Variants in INSYN1 observed in about 807,000 individuals in gnomAD.
INSYN1 encodes inhibitory synaptic factor 1.
INSYN1 carries 7 observed loss-of-function variants against 17.1 expected under a neutral mutation model. That is an observed-to-expected ratio of 0.41 (90% CI 0.23 to 0.77). The LOEUF is 0.77. Among genes scored for constraint, INSYN1 ranks in the 30% least tolerant of loss-of-function variants. The probability of loss-of-function intolerance (pLI) is 0.32; values close to 1 mark genes in which losing one functional copy is unlikely to be tolerated. For synonymous variants in INSYN1, 174 were observed against 166.3 expected (o/e 1.05, Z -0.36); for missense variants, 339 against 400.6 (o/e 0.85, Z 1.31).
chr15:73,747,198 T>C (rs537731838), intron 2 of INSYN1, among the ~76,000 whole-genome samples: 1 of 152,322 alleles, frequency 6.6e-6, no homozygotes, highest in African/African-American at 2.4e-5. Flanking sequence ...TAGATAGCCA[T>C]GTGACTTGTA....
chr15:73,749,321 T>C (rs57292194), intron 2 of INSYN1, among the ~76,000 whole-genome samples: 12,097 of 152,190 alleles, frequency 0.079, 608 homozygotes, highest in African/African-American at 0.14. Flanking sequence ...GGGCCTCAGT[T>C]TCTTCAATAG....
Position 73,740,551 on chromosome 15 carries a change from C to T in INSYN1, c.248G>A (p.Ser83Asn), listed in dbSNP as rs758444741. 1 of 1,614,170 alleles carries T rather than the reference C, an allele frequency of 6.2e-7. No homozygotes were observed. The highest frequency in any genetic ancestry group is 8.5e-7 in the Non-Finnish European group (1 of 1,180,028). Residue 83 changes from serine (S) to asparagine (N), a missense_variant, in exon 3 of 3, where the codon AGC becomes AAC. Coordinates refer to ENST00000569673, the MANE Select transcript of INSYN1 (RefSeq NM_001039614.3). Reference protein sequence around the residue: ...WTTATVSSTSSSDKAGMGGPF... With the variant: ...WTTATVSSTSNSDKAGMGGPF... The stretch of plus-strand genomic sequence containing the variant: ...GCCACCCATGCCCGCCTTGTCACTG[C>T]TAGAGGTGCTGCTCACAGTGGCCGT...
chr15:73,748,804 C>G (rs999505455), intron 2 of INSYN1, among the ~76,000 whole-genome samples: 4 of 152,204 alleles, frequency 2.6e-5, no homozygotes, highest in Non-Finnish European at 5.9e-5. Context: ...TCCACACTCC[C>G]CTCTGCCTGT....
rs369737834 is a variant in INSYN1 at position 73,741,232 on chromosome 15, G to A, written c.157-590C>T. 2.6e-4 allele frequency among the ~76,000 whole-genome samples: 40 copies of A among 152,358 alleles called. No individual in the cohort carries two copies. In the East Asian group the frequency reaches 6.9e-3, roughly 26 times the overall value. ...TCACGGCAAGAACACCAGGTGTACA[G>A]CACTGGCTGGGTCACCCCACCCCCA... On this transcript the variant is annotated intron_variant, in intron 2 of 2. Transcript: ENST00000569673.
At chr15:73,749,526 T>C (rs1901922975) in intron 2 of INSYN1, among the ~76,000 whole-genome samples, 1 of 152,118 alleles carries the variant, frequency 6.6e-6, no homozygotes, top group Non-Finnish European at 1.5e-5. Flanking sequence ...AGGTCTCATG[T>C]CCCTGGCCAA....
chr15:73,749,132 G>A (rs1317150132), intron 2 of INSYN1, among the ~76,000 whole-genome samples: 1 of 152,156 alleles, frequency 6.6e-6, no homozygotes, highest in Non-Finnish European at 1.5e-5. Context: ...AAATCCTAGA[G>A]CTATTGCATC....
In INSYN1 at chr15:73,739,101, A is replaced by C. The variant is rs1901605796; in HGVS notation, c.*816T>G. On this transcript the variant is annotated 3_prime_UTR_variant, in exon 3 of 3. Transcript: ENST00000569673. The stretch of plus-strand genomic sequence containing the variant: ...TTTAGCCCCATGGAAGTGGCTGCCT[A>C]CTTCCTCGCACAGATCTCAGGTCTG... 6.6e-6 allele frequency: 1 copy of C among 152,178 alleles called. No homozygotes were observed. The highest frequency in any genetic ancestry group is 1.5e-5 in the Non-Finnish European group (1 of 68,034). The allele number at this position is 152,178 out of a possible 1,614,324, so 9.4% of individuals were successfully genotyped here.
intron 2 of INSYN1, among the ~76,000 whole-genome samples, chr15:73,746,988 G>T (rs1006772219): frequency 5.9e-5 from 9 of 152,254 alleles, no homozygotes; most frequent in African/African-American, 2.2e-4. Context: ...CACTGAGAAC[G>T]AATCCAAATT....
rs879332234 is a variant in INSYN1 at position 73,739,351 on chromosome 15, C to T, written c.*566G>A. The T allele has an allele frequency of 6.6e-6, 1 of 152,334 alleles. No individual in the cohort carries two copies. The highest frequency in any genetic ancestry group is 1.5e-5 in the Non-Finnish European group (1 of 68,122). The allele number at this position is 152,334 out of a possible 1,614,324, so 9.4% of individuals were successfully genotyped here. On this transcript the variant is annotated 3_prime_UTR_variant, in exon 3 of 3. Transcript: ENST00000569673. Reference sequence around the variant, plus strand: ...GCCATTCCCCTATGTCCCAGGCAACCCTAAGATGGAAGGGGGTGAGGCAGG... The same window carrying T: ...GCCATTCCCCTATGTCCCAGGCAACTCTAAGATGGAAGGGGGTGAGGCAGG...
At chr15:73,742,918 G>A (rs1199275793) in intron 2 of INSYN1, among the ~76,000 whole-genome samples, 2 of 152,200 alleles carry the variant, frequency 1.3e-5, no homozygotes, top group East Asian at 3.9e-4. Flanking sequence ...GTGCCTCCAG[G>A]TGCTGTTGCT....
Position 73,751,342 on chromosome 15 carries a change from C to T in INSYN1, c.-212G>A. ...GGAGAGTGGGACACCCAGAGGGAGA[C>T]AGAGTCTAGCAGAGGGGGTCAAGGT... On this transcript the variant is annotated 5_prime_UTR_variant, in exon 2 of 3. Coordinates refer to ENST00000569673, the MANE Select transcript of INSYN1 (RefSeq NM_001039614.3). The T allele has an allele frequency of 1.7e-6, 1 of 577,566 alleles. No individual in the cohort carries two copies. The highest frequency in any genetic ancestry group is 3.0e-5 in the East Asian group (1 of 33,780). 35.8% of individuals were successfully genotyped at this position (577,566 alleles called of 1,614,324 possible). A position where few individuals can be genotyped will look rare whatever the true frequency, so the allele number is the denominator to read the frequency against.
Position 73,739,869 on chromosome 15 carries a change from T to TTA in INSYN1, c.*46_*47dup, listed in dbSNP as rs767141940. 135 of 354,332 alleles carry TTA rather than the reference T, an allele frequency of 3.8e-4. No homozygotes were observed. Among genetic ancestry groups the TTA allele is most frequent in the African/African-American group, 3.3e-3 (130 of 39,964 alleles). 21.9% of individuals were successfully genotyped at this position (354,332 alleles called of 1,614,324 possible). On this transcript the variant is annotated 3_prime_UTR_variant, in exon 3 of 3. Transcript: ENST00000569673. Reference sequence around the variant, plus strand: ...TATATATATATATATATATATATATTTATTTATAGCTCTATGTGCCCACCG... The same window carrying TTA: ...TATATATATATATATATATATATATTTATATTTATAGCTCTATGTGCCCACCG...
At position 73,750,826 on chromosome 15, in the gene INSYN1, A is replaced by G. The variant is rs779506795; in HGVS notation, c.156+149T>C. On this transcript the variant is annotated intron_variant, in intron 2 of 2. Transcript: ENST00000569673. ...ATTTTTAGCAAAGCAGATTTGCGGA[A>G]AGGAGAGCAAGGAGAAAGAAGGTCC... 68 of 884,738 alleles carry G rather than the reference A, an allele frequency of 7.7e-5. 1 individual carries two copies. The highest frequency in any genetic ancestry group is 1.7e-5 in the African/African-American group (1 of 60,312). The allele number at this position is 884,738 out of a possible 1,614,324, so 54.8% of individuals were successfully genotyped here.
intron 2 of INSYN1, among the ~76,000 whole-genome samples, chr15:73,744,831 T>G (rs1369218889): frequency 6.6e-6 from 1 of 151,962 alleles, no homozygotes; most frequent in East Asian, 1.9e-4. Flanking sequence ...CACTGTTGAG[T>G]CCACCTGTCT....
chr15:73,744,091 C>T (rs1010825489), intron 2 of INSYN1, among the ~76,000 whole-genome samples: 10 of 152,038 alleles, frequency 6.6e-5, no homozygotes, highest in African/African-American at 2.2e-4. Context: ...TGGCTTAATG[C>T]GCTTTGGACA....
At chr15:73,743,883 T>G (rs1037016687) in intron 2 of INSYN1, among the ~76,000 whole-genome samples, 18 of 99,546 alleles carry the variant, frequency 1.8e-4, no homozygotes, top group African/African-American at 6.6e-4. Flanking sequence ...ATTTAACAGA[T>G]ATGAATGTGT....
rs116723124 is a variant in INSYN1 at position 73,744,615 on chromosome 15, C to T, written c.157-3973G>A. ...TGGAGCAGACCCCAGTCTTGTCTTGCTCTCTGCTTTGGATGTCTTGAAATC... is the reference window on the plus strand; with the variant it reads ...TGGAGCAGACCCCAGTCTTGTCTTGTTCTCTGCTTTGGATGTCTTGAAATC... On this transcript the variant is annotated intron_variant, in intron 2 of 2. Coordinates refer to ENST00000569673, the MANE Select transcript of INSYN1 (RefSeq NM_001039614.3). Among the ~76,000 whole-genome samples the T allele has an allele frequency of 9.4e-3, 1,424 of 152,294 alleles. 34 individuals are homozygous for T. The highest frequency in any genetic ancestry group is 0.032 in the African/African-American group (1,336 of 41,544).
chr15:73,751,803 T>A (rs62004635), intron 1 of INSYN1, 106 bp from the exon 2 acceptor site: 1 of 2,866 alleles, frequency 3.5e-4, no homozygotes, highest in African/African-American at 6.1e-4. Flanking sequence ...TCGCTGGGGA[T>A]TTTTTTTTCT....
chr15:73,745,670 A>C (rs1232148886), intron 2 of INSYN1, among the ~76,000 whole-genome samples: 1 of 152,068 alleles, frequency 6.6e-6, no homozygotes, highest in East Asian at 1.9e-4. Context: ...ATGAGTGATG[A>C]GTTGAGACAG....
Sources: allele counts gnomAD v4.1 joint callset (sites outside exome capture counted in the v4.1 genomes callset), GRCh38; gene constraint gnomAD v4.1.1; transcripts MANE v1.5; gene names NCBI Gene and HGNC (gene_info 2026-07-23, HGNC 2026-07-21).